Variants in SLCO1A2 observed in about 807,000 individuals in gnomAD.
SLCO1A2 encodes the protein OATP-1.
SLCO1A2 carries 67 observed loss-of-function variants against 69.0 expected under a neutral mutation model. The ratio of observed to expected loss-of-function variants is 0.97; its 90% CI spans 0.80 to 1.19. The LOEUF is 1.19. Ranked by LOEUF, SLCO1A2 falls within the 50% of genes most tolerant of loss-of-function variation. The pLI is 0.00. For synonymous variants in SLCO1A2, 260 were observed against 265.9 expected, an observed-to-expected ratio of 0.98 and a Z score of 0.22; for missense variants, 787 against 793.7, an observed-to-expected ratio of 0.99 and a Z score of 0.10.
upstream of SLCO1A2, among the ~76,000 whole-genome samples, chr12:21,335,691 A>C (rs1952859845): frequency 6.6e-6 from 1 of 152,236 alleles, no homozygotes; most frequent in Non-Finnish European, 1.5e-5. Flanking sequence ...TTTTTAAAAA[A>C]CCAACTGCTT....
chr12:21,363,172 G>T (rs1458814058), intron 2 of SLCO1A2, among the ~76,000 whole-genome samples: 3 of 152,112 alleles, frequency 2.0e-5, no homozygotes, highest in Non-Finnish European at 4.4e-5. Context: ...AAATGTAAAA[G>T]AACAGAAATT....
chr12:21,388,921 T>C (rs371926698), intron 1 of SLCO1A2, among the ~76,000 whole-genome samples: 1 of 152,228 alleles, frequency 6.6e-6, no homozygotes, highest in South Asian at 2.1e-4. Flanking sequence ...AACATAGACC[T>C]AGACCCTTTT....
chr12:21,333,547 T>C (rs1952739692), intron 2 of SLCO1A2, among the ~76,000 whole-genome samples: 1 of 152,266 alleles, frequency 6.6e-6, no homozygotes, highest in South Asian at 2.1e-4. Flanking sequence ...CACTTTTACC[T>C]GATAAACTTG....
chr12:21,395,726 A>G (rs1040101299), upstream of SLCO1A2, among the ~76,000 whole-genome samples: 273 of 152,084 alleles, frequency 1.8e-3, 1 homozygote, highest in Admixed American at 4.8e-3. Flanking sequence ...CTGACCCCCG[A>G]GCAGCCTAAC....
At chr12:21,281,210 G>A (rs926212078) in intron 12 of SLCO1A2, among the ~76,000 whole-genome samples, 1 of 152,118 alleles carries the variant, frequency 6.6e-6, no homozygotes, top group Non-Finnish European at 1.5e-5. Flanking sequence ...CCAGCACTTT[G>A]GGAGGCTGAG....
At chr12:21,281,612 A>G (rs1167136432) in intron 12 of SLCO1A2, among the ~76,000 whole-genome samples, 4 of 152,118 alleles carry the variant, frequency 2.6e-5, no homozygotes, top group Non-Finnish European at 2.9e-5. Context: ...CAACAAAACA[A>G]AAGAAATAGT....
chr12:21,355,152 C>T (rs888144954), intron 2 of SLCO1A2: 9 of 152,038 alleles, frequency 5.9e-5, no homozygotes, highest in Non-Finnish European at 4.4e-5. Context: ...TATAATTTCC[C>T]GTGTTGGCAA....
chr12:21,284,193 A>G (rs1945306167), intron 12 of SLCO1A2, among the ~76,000 whole-genome samples: 1 of 152,200 alleles, frequency 6.6e-6, no homozygotes, highest in African/African-American at 2.4e-5. Flanking sequence ...ATGAATGGAT[A>G]AAGAAAATGT....
chr12:21,346,153 GA>G (rs150459931), intron 2 of SLCO1A2, among the ~76,000 whole-genome samples: 12,792 of 151,790 alleles, frequency 0.084, 976 homozygotes, highest in African/African-American at 0.2. Context: ...ATATATTCAA[GA>G]AAAAAACCAT....
At chr12:21,284,237 TA>T (rs1162634665) in intron 12 of SLCO1A2, among the ~76,000 whole-genome samples, 1 of 151,810 alleles carries the variant, frequency 6.6e-6, no homozygotes, top group Non-Finnish European at 1.5e-5. Flanking sequence ...TATTCAGCCA[TA>T]AAAAAAAGAA....
At chr12:21,363,475 A>T (rs769792611) in intron 2 of SLCO1A2, among the ~76,000 whole-genome samples, 3 of 152,230 alleles carry the variant, frequency 2.0e-5, no homozygotes, top group Non-Finnish European at 4.4e-5. Flanking sequence ...CTAACATCAC[A>T]ATTAAAAGAA....
intron 14 of SLCO1A2, 74 bp downstream of exon 14, chr12:21,274,395 G>A: frequency 1.1e-6 from 1 of 919,338 alleles, no homozygotes; most frequent in Non-Finnish European, 1.7e-6. Context: ...CAAAGAAAAA[G>A]TTACGTGTGA....
intron 2 of SLCO1A2, among the ~76,000 whole-genome samples, chr12:21,372,144 T>A (rs1291392856): frequency 2.6e-5 from 4 of 152,208 alleles, no homozygotes; most frequent in South Asian, 2.1e-4. Flanking sequence ...AATGTTCTCA[T>A]GGAGCTAATG....
rs1942028725 is a variant in SLCO1A2, at chr12:21,265,980, T to C, written c.*3568A>G. The C allele has an allele frequency of 6.6e-6, 1 of 152,138 alleles. No homozygotes were observed. The highest frequency in any genetic ancestry group is 2.4e-5 in the African/African-American group (1 of 41,446). The allele number at this position is 152,138 out of a possible 1,614,324, so 9.4% of individuals were successfully genotyped here. A position where few individuals can be genotyped will look rare whatever the true frequency, so the allele number is the denominator to read the frequency against. ...ACCTTGGTTCAAGGAGCATGAGTGA[T>C]TTTTAGATGGTGAACGTTCAGTCAA... On this transcript the variant is annotated 3_prime_UTR_variant, in exon 15 of 15. Transcript: ENST00000683939.
upstream of SLCO1A2, among the ~76,000 whole-genome samples, chr12:21,336,725 C>T (rs1393097017): frequency 3.3e-5 from 5 of 151,960 alleles, no homozygotes; most frequent in African/African-American, 7.2e-5. Flanking sequence ...TCCATCTTGG[C>T]CCCAAATCAG....
chr12:21,323,429 G>T (rs987113951), intron 2 of SLCO1A2, among the ~76,000 whole-genome samples: 1 of 152,016 alleles, frequency 6.6e-6, no homozygotes, highest in Non-Finnish European at 1.5e-5. Flanking sequence ...GCCAGGTATG[G>T]TGGTGCATGC....
At chr12:21,404,202 T>G (rs1264514803) in intron 1 of SLCO1A2, among the ~76,000 whole-genome samples, 1 of 152,136 alleles carries the variant, frequency 6.6e-6, no homozygotes, top group South Asian at 2.1e-4. Context: ...TAATTTGTAA[T>G]GGAGTGGATA....
chr12:21,410,952 A>G (rs1484695099), intron 1 of SLCO1A2, among the ~76,000 whole-genome samples: 1 of 152,114 alleles, frequency 6.6e-6, no homozygotes, highest in Non-Finnish European at 1.5e-5. Flanking sequence ...TTTATTAACG[A>G]GTAAAGATTC....
In SLCO1A2 at chr12:21,268,796, A is replaced by G. The variant is rs573554860; in HGVS notation, c.*752T>C. On this transcript the variant is annotated 3_prime_UTR_variant, in exon 15 of 15. Coordinates refer to ENST00000683939, the MANE Select transcript of SLCO1A2 (RefSeq NM_001386879.1). ...ACAGCCTTTAAGAACTGGAGTTTTT[A>G]TAATATTGTCCTTTCATCCTTTGAT... The G allele has an allele frequency of 1.2e-4, 18 of 152,180 alleles. No homozygotes were observed. Among genetic ancestry groups the G allele is most frequent in the African/African-American group, 4.1e-4 (17 of 41,544 alleles). The allele number at this position is 152,180 out of a possible 1,614,324, so 9.4% of individuals were successfully genotyped here.
Sources: gnomAD v4.1 joint callset for allele counts (sites outside exome capture counted in the v4.1 genomes callset) on GRCh38, gnomAD v4.1.1 for gene constraint, MANE v1.5 for transcripts, NCBI Gene and HGNC (gene_info 2026-07-23, HGNC 2026-07-21) for gene names.